LRP1B: variants seen among roughly 807,000 people sequenced by gnomAD.
LRP1B encodes LDL receptor related protein 1B.
LRP1B carries 217 observed loss-of-function variants against 556.6 expected under a neutral mutation model. That is an observed-to-expected ratio of 0.39 (90% confidence interval 0.35 to 0.44). The LOEUF is 0.44. LRP1B is among the 20% of genes least tolerant of loss of function. The pLI is 1.00. For missense variants in LRP1B, 5,053 were observed against 5,620.8 expected, an observed-to-expected ratio of 0.90 and a Z score of 3.23; for synonymous variants, 2,047 against 1,865.8, an observed-to-expected ratio of 1.10 and a Z score of -2.50.
chr2:140,465,036 A>C (rs1687485449), intron 60 of LRP1B, among the ~76,000 whole-genome samples: 2 of 152,206 alleles, frequency 1.3e-5, no homozygotes, highest in Non-Finnish European at 2.9e-5. Flanking sequence ...TAAAGAAAAG[A>C]GGCTTAATTG....
At chr2:141,680,566 G>C (rs1414145419) in intron 2 of LRP1B, among the ~76,000 whole-genome samples, 1 of 151,996 alleles carries the variant, frequency 6.6e-6, no homozygotes, top group African/African-American at 2.4e-5. Flanking sequence ...AGATAAGATT[G>C]GTACAGATGC....
At chr2:140,788,467 AT>A (rs200638323) in intron 32 of LRP1B, among the ~76,000 whole-genome samples, 1 of 152,130 alleles carries the variant, frequency 6.6e-6, no homozygotes, top group Non-Finnish European at 1.5e-5. Context: ...CAAAAAAATA[AT>A]ATATATTACC....
intron 3 of LRP1B, among the ~76,000 whole-genome samples, chr2:141,454,650 T>C (rs1010666261): frequency 1.3e-5 from 2 of 152,246 alleles, no homozygotes; most frequent in Non-Finnish European, 2.9e-5. Context: ...TCCTCTTGCA[T>C]GTCAGGAAAG....
At chr2:140,526,077 AG>A (rs1326388325) in intron 48 of LRP1B, 84 bp from the exon 49 acceptor site, 21 of 1,456,184 alleles carry the variant, frequency 1.4e-5, no homozygotes, top group Non-Finnish European at 1.9e-6. Context: ...AGATGAGAAA[AG>A]TTAACTTCAT....
At chr2:141,497,862 A>T (rs1683564822) in intron 2 of LRP1B, among the ~76,000 whole-genome samples, 1 of 151,980 alleles carries the variant, frequency 6.6e-6, no homozygotes, top group South Asian at 2.1e-4. Context: ...CTTTTATGAA[A>T]ATAAGAGAAT....
intron 63 of LRP1B, among the ~76,000 whole-genome samples, chr2:140,448,694 G>T (rs781534746): frequency 9.2e-5 from 14 of 152,050 alleles, no homozygotes; most frequent in Non-Finnish European, 2.1e-4. Context: ...TGTACATCTT[G>T]TTGACTGTGG....
chr2:140,717,941 C>A (rs1687268632), intron 35 of LRP1B, among the ~76,000 whole-genome samples: 1 of 152,094 alleles, frequency 6.6e-6, no homozygotes, highest in East Asian at 1.9e-4. Flanking sequence ...ATACCCTATC[C>A]AAATATATGT....
At chr2:141,867,450 T>C (rs906082319) in intron 1 of LRP1B, among the ~76,000 whole-genome samples, 3 of 152,150 alleles carry the variant, frequency 2.0e-5, no homozygotes, top group Admixed American at 2.0e-4. Flanking sequence ...AAATAAATTA[T>C]AAACTGAGTT....
chr2:140,676,572 A>G (rs538525377), intron 41 of LRP1B, among the ~76,000 whole-genome samples: 9 of 152,328 alleles, frequency 5.9e-5, no homozygotes, highest in Non-Finnish European at 1.2e-4. Context: ...TGCTGCTTTC[A>G]TTACAAGTTT....
Position 140,533,329 on chromosome 2 carries a change from C to T in LRP1B, c.7762+692G>A, listed in dbSNP as rs185749999. 4.9e-4 allele frequency among the ~76,000 whole-genome samples: 75 copies of T among 152,132 alleles called. 1 individual carries two copies. Among genetic ancestry groups the T allele is most frequent in the African/African-American group, 1.4e-3 (58 of 41,522 alleles). On this transcript the variant is annotated intron_variant, in intron 47 of 90. Transcript: ENST00000389484. ...TTATTTAATTATTTTTTCTACCTTG[C>T]TATTTGGGAAACTGAGACACAGAAT...
chr2:140,849,200 C>CAAAAAAAAAAAAAAAA (rs70988447), intron 29 of LRP1B, among the ~76,000 whole-genome samples: 51 of 100,504 alleles, frequency 5.1e-4, no homozygotes, highest in African/African-American at 6.2e-4. Context: ...ACTAAAAATA[C>CAAAAAAAAAAAAAAAA]AAAAAAAAAA....
chr2:141,722,073 T>C (rs548520605), intron 2 of LRP1B, among the ~76,000 whole-genome samples: 1 of 152,300 alleles, frequency 6.6e-6, no homozygotes, highest in East Asian at 1.9e-4. Flanking sequence ...TGGAACATCA[T>C]GCTTTCTTTA....
At chr2:140,775,469 T>TA (rs1030099111) in intron 33 of LRP1B, among the ~76,000 whole-genome samples, 7 of 61,150 alleles carry the variant, frequency 1.1e-4, no homozygotes, top group African/African-American at 4.6e-4. Context: ...TTTGGTTGAT[T>TA]TTTTTTTTTT....
intron 18 of LRP1B, among the ~76,000 whole-genome samples, chr2:140,981,367 T>A (rs1441573845): frequency 6.6e-6 from 1 of 152,102 alleles, no homozygotes; most frequent in Non-Finnish European, 1.5e-5. Flanking sequence ...TTAATAAATA[T>A]GCTATACATG....
At chr2:141,338,308 AG>A (rs2105510049) in intron 3 of LRP1B, among the ~76,000 whole-genome samples, 1 of 152,310 alleles carries the variant, frequency 6.6e-6, no homozygotes, top group East Asian at 1.9e-4. Context: ...TAGAGAAAAG[AG>A]GAAGCAGAAG....
chr2:140,985,352 T>A (rs969169167), intron 17 of LRP1B, among the ~76,000 whole-genome samples: 3 of 150,968 alleles, frequency 2.0e-5, no homozygotes, highest in Non-Finnish European at 4.4e-5. Flanking sequence ...TAGGGTTTTT[T>A]AAAATCAATT....
At chr2:141,295,529 C>T (rs180877470) in intron 3 of LRP1B, among the ~76,000 whole-genome samples, 5 of 152,206 alleles carry the variant, frequency 3.3e-5, no homozygotes, top group Admixed American at 3.3e-4. Flanking sequence ...AAAGCAATTG[C>T]TTAGTGTCTC....
At chr2:141,415,197 T>C (rs1487809176) in intron 3 of LRP1B, among the ~76,000 whole-genome samples, 1 of 152,170 alleles carries the variant, frequency 6.6e-6, no homozygotes, top group African/African-American at 2.4e-5. Flanking sequence ...GTATTTTTAG[T>C]AGAGACGGGG....
At chr2:140,518,064 G>T (rs1187340232) in intron 49 of LRP1B, among the ~76,000 whole-genome samples, 2 of 152,000 alleles carry the variant, frequency 1.3e-5, no homozygotes, top group African/African-American at 4.8e-5. Flanking sequence ...AGGTTTACAT[G>T]ATTTTACATG....
Sources: allele counts gnomAD v4.1 joint callset (sites outside exome capture counted in the v4.1 genomes callset), GRCh38; gene constraint gnomAD v4.1.1; transcripts MANE v1.5; gene names NCBI Gene and HGNC (gene_info 2026-07-23, HGNC 2026-07-21).